The following GNAL variants were observed in gnomAD, a reference collection of about 807,000 sequenced individuals.
The protein encoded by GNAL is guanine nucleotide-binding protein G(olf) subunit alpha.
In GNAL, 18 loss-of-function variants were observed where a neutral mutation model predicts 55.1. The observed-to-expected ratio is 0.33, with a 90% CI of 0.23 to 0.48. The LOEUF (loss-of-function observed/expected upper bound fraction) is 0.48. GNAL is among the 20% of genes least tolerant of loss of function. The pLI is 0.99. For synonymous variants in GNAL, 253 were observed against 237.0 expected, an observed-to-expected ratio of 1.07 and a Z score of -0.62; for missense variants, 412 against 614.1, an observed-to-expected ratio of 0.67 and a Z score of 3.48.
intron 4 of GNAL, among the ~76,000 whole-genome samples, chr18:11,795,390 C>CAA (rs752221474): frequency 0.12 from 7,840 of 68,172 alleles, 446 homozygotes; most frequent in African/African-American, 0.21. Context: ...GACCCTGTCT[C>CAA]AAAAAAAAAA....
chr18:11,848,518 G>A (rs919747610), intron 5 of GNAL, among the ~76,000 whole-genome samples: 5 of 149,672 alleles, frequency 3.3e-5, no homozygotes, highest in Middle Eastern at 3.5e-3. Context: ...GTGCACTGGC[G>A]TGATCTCAGC....
Position 11,689,606 on chromosome 18 carries a change from C to T in GNAL, c.43C>T (p.Pro15Ser). ...YSLRPLLFGG[P>S]GDDPCAASEP... ...TCTGCGGCCGCTGCTTTTCGGGGGC[C>T]CAGGGGACGACCCCTGCGCGGCCTC... The change falls in exon 1 of 12, where the codon CCA becomes TCA. Residue 15 changes from proline (P) to serine (S), a missense_variant. By Grantham distance (74) the Pro-to-Ser change is moderately conservative (BLOSUM62 -1). Transcript: ENST00000334049. 1.5e-6 allele frequency: 2 copies of T among 1,341,792 alleles called. No individual in the cohort carries two copies. The highest frequency in any genetic ancestry group is 9.5e-7 in the Non-Finnish European group (1 of 1,056,932). The allele number at this position is 1,341,792 out of a possible 1,614,324, so 83.1% of individuals were successfully genotyped here. A position where few individuals can be genotyped will look rare whatever the true frequency, so the allele number is the denominator to read the frequency against.
intron 5 of GNAL, among the ~76,000 whole-genome samples, chr18:11,836,139 C>T (rs992038750): frequency 1.3e-5 from 2 of 151,378 alleles, no homozygotes; most frequent in African/African-American, 4.9e-5. Flanking sequence ...GGGTGAGGCC[C>T]TGTCGCAAAA....
intron 1 of GNAL, among the ~76,000 whole-genome samples, chr18:11,725,592 G>A (rs1280225805): frequency 6.6e-6 from 1 of 152,182 alleles, no homozygotes; most frequent in Non-Finnish European, 1.5e-5. Context: ...TTAGTAAAAT[G>A]CATTTAAGGT....
At chr18:11,851,373 C>T (rs985884807) in intron 5 of GNAL, 24 of 1,148,618 alleles carry the variant, frequency 2.1e-5, no homozygotes, top group Admixed American at 1.9e-4. Context: ...GCTCTGACGT[C>T]ACCACCTGCG....
In GNAL at chr18:11,751,609, C is replaced by A. The variant is rs2032831227; in HGVS notation, c.377-1244C>A. 2 of 985,490 alleles carry A rather than the reference C, an allele frequency of 2.0e-6. No individual in the cohort carries two copies. The highest frequency in any genetic ancestry group is 9.4e-5 in the South Asian group (2 of 21,294). 61.0% of individuals were successfully genotyped at this position (985,490 alleles called of 1,614,324 possible). ...GACGCGTCCGAGCCAACACGGGGCG[C>A]GCGCCCAGACGCACTTTCCCGGCTC... On this transcript the variant is annotated intron_variant, in intron 1 of 11. Transcript: ENST00000334049. This position sits in a 1 kb window ranked among gnomAD's most constrained non-coding sequence, Gnocchi z 4.5.
intron 11 of GNAL, among the ~76,000 whole-genome samples, chr18:11,880,366 T>C (rs557743601): frequency 0.01 from 1,477 of 146,910 alleles, 30 homozygotes; most frequent in East Asian, 0.099. Context: ...GTCAGGAGTT[T>C]GAGACCAGCC....
At chr18:11,729,531 T>C (rs943114526) in intron 1 of GNAL, among the ~76,000 whole-genome samples, 11 of 152,244 alleles carry the variant, frequency 7.2e-5, no homozygotes, top group Non-Finnish European at 1.6e-4. Flanking sequence ...TGCTCTTCCT[T>C]AAGTTTCCAC....
intron 4 of GNAL, among the ~76,000 whole-genome samples, chr18:11,796,604 G>T (rs1356043539): frequency 7.1e-5 from 8 of 113,284 alleles, no homozygotes; most frequent in Non-Finnish European, 1.3e-4. Context: ...AACAAAACAC[G>T]CAACCTTTCC....
chr18:11,755,813 A>C (rs1598432020), intron 4 of GNAL, among the ~76,000 whole-genome samples: 1 of 152,172 alleles, frequency 6.6e-6, no homozygotes, highest in Non-Finnish European at 1.5e-5. Flanking sequence ...TGCTCCAGCC[A>C]CACCAGGATC....
Position 11,752,742 on chromosome 18 carries a change from G to T in GNAL, c.377-111G>T. 1 of 1,153,220 alleles carries T rather than the reference G, an allele frequency of 8.7e-7. No homozygotes were observed. The highest frequency in any genetic ancestry group is 1.9e-5 in the Admixed American group (1 of 52,478). 71.4% of individuals were successfully genotyped at this position (1,153,220 alleles called of 1,614,324 possible). On this transcript the variant is annotated intron_variant, in intron 1 of 11. Coordinates refer to ENST00000334049, the MANE Select transcript of GNAL (RefSeq NM_182978.4). The surrounding 1 kb of genome is among the most constrained non-coding windows in gnomAD (Gnocchi z 4.5). The stretch of plus-strand genomic sequence containing the variant: ...CGAGCTCCTCCAGCCAGGAACCCGC[G>T]TGTAGGAAATCCCCGTGCTGGGGGA...
chr18:11,787,799 G>A (rs1010394281), intron 4 of GNAL, among the ~76,000 whole-genome samples: 2 of 151,400 alleles, frequency 1.3e-5, no homozygotes, highest in African/African-American at 2.4e-5. Flanking sequence ...GCATGAACCC[G>A]AGAGGTGGAG....
At position 11,752,385 on chromosome 18, in the gene GNAL, C is replaced by G. The variant is rs753028263; in HGVS notation, c.377-468C>G. 11 of 1,574,860 alleles carry G rather than the reference C, an allele frequency of 7.0e-6. No homozygotes were observed. The highest frequency in any genetic ancestry group is 4.2e-5 in the African/African-American group (3 of 71,336). ...CGCACACGTCTCCAACTCTCTATTG[C>G]TTTTTGCGCACATTCCTAACTTCCT... is the stretch of plus-strand genomic sequence containing the variant. On this transcript the variant is annotated intron_variant, in intron 1 of 11. Transcript: ENST00000334049. This position sits in a 1 kb window ranked among gnomAD's most constrained non-coding sequence, Gnocchi z 4.5.
rs191947628 is a variant in GNAL, at chr18:11,787,107, G to T, written c.624+33162G>T. On this transcript the variant is annotated intron_variant, in intron 4 of 11. Transcript: ENST00000334049. ...TAATAATAATAATCTCTGTTCTAGG[G>T]CTTATGGTTTAATTAGGAGGATTAG... Among the ~76,000 whole-genome samples the T allele has an allele frequency of 6.6e-5, 10 of 152,190 alleles. No homozygotes were observed. In the East Asian group the frequency reaches 7.7e-4, roughly 12 times the overall value.
chr18:11,767,371 C>T (rs897276670), intron 4 of GNAL, among the ~76,000 whole-genome samples: 3 of 151,932 alleles, frequency 2.0e-5, no homozygotes, highest in Non-Finnish European at 4.4e-5. Flanking sequence ...TCTGTGCACA[C>T]TTACACTTGC....
At chr18:11,879,395 C>T (rs1200736863) in intron 11 of GNAL, among the ~76,000 whole-genome samples, 6 of 152,054 alleles carry the variant, frequency 3.9e-5, no homozygotes, top group African/African-American at 1.2e-4. Flanking sequence ...TCTAAGTCTG[C>T]CCGGGCTGCC....
intron 1 of GNAL, among the ~76,000 whole-genome samples, chr18:11,694,290 C>T (rs145186856): frequency 1.1e-4 from 17 of 152,252 alleles, no homozygotes; most frequent in African/African-American, 3.4e-4. Flanking sequence ...TCTTTGTGCT[C>T]CTCTCATGGA....
chr18:11,815,252 T>G (rs920936624), intron 4 of GNAL, among the ~76,000 whole-genome samples: 5 of 152,190 alleles, frequency 3.3e-5, no homozygotes, highest in Non-Finnish European at 7.3e-5. Flanking sequence ...ATGAAGTTAT[T>G]ATGTGTCAAT....
intron 1 of GNAL, among the ~76,000 whole-genome samples, chr18:11,714,272 C>T (rs1326329902): frequency 6.6e-6 from 1 of 152,056 alleles, no homozygotes; most frequent in Non-Finnish European, 1.5e-5. Context: ...GGAAAAAAGA[C>T]ACAAGTCACA....
Sources: gnomAD v4.1 joint callset for allele counts (sites outside exome capture counted in the v4.1 genomes callset) on GRCh38, gnomAD v4.1.1 for gene constraint, Gnocchi (gnomAD v3.1) non-coding constraint, MANE v1.5 for transcripts, NCBI Gene and HGNC (gene_info 2026-07-23, HGNC 2026-07-21) for gene names.